The following RPL4 variants were observed in gnomAD, a reference collection of about 807,000 sequenced individuals.
RPL4 encodes the protein ribosomal protein L4, also known as large ribosomal subunit protein uL4.
A neutral mutation model predicts 47.7 loss-of-function variants in RPL4; 3 were observed. The observed-to-expected ratio is 0.06, with a 90% CI of 0.03 to 0.16. RPL4 has a LOEUF of 0.16. RPL4 is among the 10% of genes least tolerant of loss of function. RPL4 has a pLI of 1.00. For missense variants in RPL4, 413 were observed against 551.3 expected, an observed-to-expected ratio of 0.75 and a Z score of 2.51; for synonymous variants, 208 against 182.1, an observed-to-expected ratio of 1.14 and a Z score of -1.15.
rs1008982232 is a variant in RPL4, at chr15:66,503,547, G to A, written c.4-18C>T. 6.4e-7 allele frequency: 1 copy of A among 1,572,270 alleles called. No individual in the cohort carries two copies. Among genetic ancestry groups the A allele is most frequent in the Non-Finnish European group, 8.7e-7 (1 of 1,154,820 alleles). ...GCACACGCCTAAAGAAAAAGACAAG[G>A]ATTATTTTTATTGACAAGTAATGTT... On this transcript the variant is annotated intron_variant, in intron 1 of 9. Transcript: ENST00000307961.
chr15:66,502,563 A>G (rs373852904), intron 4 of RPL4, 49 bp downstream of exon 4: 109 of 1,578,470 alleles, frequency 6.9e-5, no homozygotes, highest in Non-Finnish European at 9.2e-5. Context: ...ATCAAATAGT[A>G]GGTGTCTTAT....
At chr15:66,499,849 C>A (rs140845744) in intron 9 of RPL4, 197 bp from the exon 10 acceptor site, 1 of 895,122 alleles carries the variant, frequency 1.1e-6, no homozygotes, top group Non-Finnish European at 1.7e-6. Context: ...ATAGTGACAC[C>A]CCGTCTCTAC....
Position 66,500,957 on chromosome 15 carries a change from A to G in RPL4, c.825T>C (p.Ser275=). ...ATATGAAAGATACTTACTTGTAGTT[A>G]CTCTTGAGGGAAGCGGCTTTACGCC... is the stretch of plus-strand genomic sequence containing the variant. ...GTWRKAASLK[S]NYNLPMHKMI... The change falls in exon 7 of 10, where the codon AGT becomes AGC. Residue 275 remains serine (S), a synonymous_variant. Transcript: ENST00000307961. 1.9e-6 allele frequency: 3 copies of G among 1,613,570 alleles called. No homozygotes were observed. The highest frequency in any genetic ancestry group is 2.5e-6 in the Non-Finnish European group (3 of 1,179,774).
In RPL4 at chr15:66,498,284, T is replaced by TA. The variant is rs761311268; in HGVS notation, c.*1122dup. 1 of 152,590 alleles carries TA rather than the reference T, an allele frequency of 6.6e-6. No individual in the cohort carries two copies. The highest frequency in any genetic ancestry group is 2.4e-5 in the African/African-American group (1 of 41,400). 9.5% of individuals were successfully genotyped at this position (152,590 alleles called of 1,614,324 possible). On this transcript the variant is annotated 3_prime_UTR_variant, in exon 10 of 10. Transcript: ENST00000307961. ...AATAGAGAAATAAAGAGCATGAAAA[T>TA]AAAGCCGTGCTAAGAAACGACGTGC...
rs1415485683 is a variant in RPL4, at chr15:66,499,400, TAA to T, written c.*5_*6del. The T allele has an allele frequency of 1.3e-6, 2 of 1,594,252 alleles. No individual in the cohort carries two copies. The highest frequency in any genetic ancestry group is 2.7e-5 in the African/African-American group (2 of 73,292). On this transcript the variant is annotated 3_prime_UTR_variant, in exon 10 of 10. Coordinates refer to ENST00000307961, the MANE Select transcript of RPL4 (RefSeq NM_000968.4). ...TTGACCTTTATGGAATAATCAAATTTAAGAGTTTATGCAGCAGGCTTCTTCTC... is the reference window on the plus strand; with the variant it reads ...TTGACCTTTATGGAATAATCAAATTTGAGTTTATGCAGCAGGCTTCTTCTC...
At position 66,499,503 on chromosome 15, in the gene RPL4, C is replaced by T. The variant is rs1278921782; in HGVS notation, c.1188G>A (p.Leu396=). Residue 396 remains leucine, a synonymous_variant, in exon 10 of 10, where the codon CTG becomes CTA. Transcript: ENST00000307961. ...TGGTAGCTGCTGCCTTTTTTCCCAC[C>T]AGAGGCTTCTTCTGCTTCTTAACAC... is the stretch of plus-strand genomic sequence containing the variant. ...AVGVKKQKKP[L]VGKKAAATKK... 6.2e-7 allele frequency: 1 copy of T among 1,612,114 alleles called. No homozygotes were observed. Among genetic ancestry groups the T allele is most frequent in the South Asian group, 1.1e-5 (1 of 90,996 alleles).
At chr15:66,502,361 T>TA (rs1363245642) in intron 4 of RPL4, 7 of 469,654 alleles carry the variant, frequency 1.5e-5, no homozygotes, top group African/African-American at 2.0e-5. Context: ...TATTTTTGAT[T>TA]AAAAAATTTT....
rs747591994 is a variant in RPL4 at position 66,499,490 on chromosome 15, C to G, written c.1201G>C (p.Ala401Pro). The G allele has an allele frequency of 3.1e-6, 5 of 1,612,036 alleles. 1 individual carries two copies. Among genetic ancestry groups the G allele is most frequent in the Non-Finnish European group, 4.2e-6 (5 of 1,179,836 alleles). The change falls in exon 10 of 10, where the codon GCA becomes CCA. Residue 401 changes from alanine to proline, a missense_variant. By Grantham distance (27) the Ala-to-Pro change is conservative. Transcript: ENST00000307961. ...KQKKPLVGKKAAATKKPAPEK... is the reference protein window; with the variant it reads ...KQKKPLVGKKPAATKKPAPEK... ...GGGGCTGGTTTCTTGGTAGCTGCTG[C>G]CTTTTTTCCCACCAGAGGCTTCTTC...
intron 7 of RPL4, chr15:66,500,580 G>T: frequency 1.7e-6 from 1 of 583,652 alleles, no homozygotes; most frequent in Non-Finnish European, 3.0e-6. Flanking sequence ...GATCACCTAA[G>T]GTCAGGAGTT....
chr15:66,500,345 G>C lies in RPL4; in HGVS notation c.865C>G (p.Leu289Val). The C allele has an allele frequency of 1.2e-6, 2 of 1,614,122 alleles. No individual in the cohort carries two copies. The highest frequency in any genetic ancestry group is 1.7e-6 in the Non-Finnish European group (2 of 1,179,994). The change falls in exon 8 of 10, where the codon CTT becomes GTT. Residue 289 changes from leucine (L) to valine (V), a missense_variant. This residue lies in a region of RPL4 where 214 missense variants were observed against 304.2 expected (regional missense o/e 0.70). Coordinates refer to ENST00000307961, the MANE Select transcript of RPL4 (RefSeq NM_000968.4). The part of the protein sequence containing the change: ...LPMHKMINTD[L>V]SRILKSPEIQ... The stretch of plus-strand genomic sequence containing the variant: ...TCTGGGCTTTTCAAGATTCTGCTAA[G>C]ATCTGTATTAATCATCTTGTGCATG...
chr15:66,500,454 T>C, intron 7 of RPL4, 78 bp from the exon 8 acceptor site: 1 of 1,246,734 alleles, frequency 8.0e-7, no homozygotes, highest in South Asian at 1.2e-5. Flanking sequence ...GCTTTATTTT[T>C]AGCCACTATG....
chr15:66,499,930 G>C, intron 9 of RPL4, 126 bp downstream of exon 9: 1 of 1,237,842 alleles, frequency 8.1e-7, no homozygotes. Flanking sequence ...GGCTGAGACA[G>C]AAGAACTGCT....
In RPL4 at chr15:66,500,168, ATCT is replaced by A. The variant is rs1218058310; in HGVS notation, c.923_925del (p.Lys308del). The stretch of plus-strand genomic sequence containing the variant: ...GTTCTTCTTTAGGACTCTGCGATGG[ATCT>A]TCTTGCTATAAAAAAGCAGATACTG... On this transcript the variant is annotated inframe_deletion, in exon 9 of 10. Coordinates refer to ENST00000307961, the MANE Select transcript of RPL4 (RefSeq NM_000968.4). The A allele has an allele frequency of 1.2e-6, 2 of 1,613,900 alleles. No individual in the cohort carries two copies. The highest frequency in any genetic ancestry group is 1.7e-6 in the Non-Finnish European group (2 of 1,179,966).
intron 4 of RPL4, 89 bp downstream of exon 4, chr15:66,502,523 G>T (rs2140716636): frequency 1.5e-6 from 2 of 1,366,504 alleles, no homozygotes; most frequent in Middle Eastern, 2.6e-4. Flanking sequence ...ATCTTGAAAT[G>T]GGTTACTGTG....
chr15:66,503,111 G>C lies in RPL4; in HGVS notation c.229C>G (p.Pro77Ala). Reference sequence around the variant, plus strand: ...TGAGTCCCACCACCTCGAACTCTGGGAATTCGAGCCACAGCTCTGCCAGTA... The same window carrying C: ...TGAGTCCCACCACCTCGAACTCTGGCAATTCGAGCCACAGCTCTGCCAGTA... ...WGTGRAVARI[P>A]RVRGGGTHRS... Residue 77 changes from proline (P) to alanine (A), a missense_variant, in exon 3 of 10, where the codon CCC (proline) becomes GCC (alanine). Physicochemically the swap from Pro to Ala is conservative, Grantham distance 27. Around this residue, in one of 4 missense-constraint regions of RPL4, gnomAD observed 9 missense variants for 53.8 expected, o/e 0.17. Coordinates refer to ENST00000307961, the MANE Select transcript of RPL4 (RefSeq NM_000968.4). The C allele has an allele frequency of 1.2e-6, 2 of 1,614,016 alleles. No homozygotes were observed. Among genetic ancestry groups the C allele is most frequent in the Non-Finnish European group, 1.7e-6 (2 of 1,179,994 alleles).
Position 66,500,229 on chromosome 15 carries a change from A to C in RPL4, c.918-53T>G, listed in dbSNP as rs546950731. 1.4e-4 allele frequency: 232 copies of C among 1,613,566 alleles called. No individual in the cohort carries two copies. The Middle Eastern group carries it at 2.8e-3, about 20-fold the overall frequency. On this transcript the variant is annotated intron_variant, in intron 8 of 9. Coordinates refer to ENST00000307961, the MANE Select transcript of RPL4 (RefSeq NM_000968.4). Reference sequence around the variant, plus strand: ...ATTTTACTTAACATTATACACATACAAATTTTTGAAACAACCAATAGTATA... The same window carrying C: ...ATTTTACTTAACATTATACACATACCAATTTTTGAAACAACCAATAGTATA...
chr15:66,503,866 AACTTCCATCCCT>A (rs1893684514), intron 1 of RPL4, among the ~76,000 whole-genome samples: 1 of 152,128 alleles, frequency 6.6e-6, no homozygotes, highest in Non-Finnish European at 1.5e-5. Context: ...TACTCATCCC[AACTTCCATCCCT>A]GTCCCACTCA....
rs1893565112 is a variant in RPL4 at position 66,499,636 on chromosome 15, T to C, written c.1055A>G (p.Asp352Gly). ...RQARNHKLRV[D>G]KAAAAAAALQ... ...TGCCGCTGCTGCAGCAGCTGCCTTA[T>C]CCACCCGGAGCTTGTGCTGCAACAA... Residue 352 changes from aspartate to glycine, a missense_variant, in exon 10 of 10, where the codon GAT (aspartate) becomes GGT (glycine). Asp to Gly is a moderately conservative substitution (Grantham distance 94). This residue lies in a region of RPL4 where 134 missense variants were observed against 122.7 expected (regional missense o/e 1.09). Transcript: ENST00000307961. 5.6e-6 allele frequency: 9 copies of C among 1,614,008 alleles called. No individual in the cohort carries two copies. Among genetic ancestry groups the C allele is most frequent in the African/African-American group, 1.3e-5 (1 of 75,054 alleles).
chr15:66,500,165 T>C lies in RPL4; in HGVS notation c.929A>G (p.His310Arg), dbSNP rs746956620. The change falls in exon 9 of 10, where the codon CAT (histidine) becomes CGT (arginine). Residue 310 changes from histidine to arginine, a missense_variant. This residue lies in a region of RPL4 where 214 missense variants were observed against 304.2 expected (regional missense o/e 0.70). Transcript: ENST00000307961. Reference sequence around the variant, plus strand: ...TGGGTTCTTCTTTAGGACTCTGCGATGGATCTTCTTGCTATAAAAAAGCAG... The same window carrying C: ...TGGGTTCTTCTTTAGGACTCTGCGACGGATCTTCTTGCTATAAAAAAGCAG... ...RALRAPRKKIHRRVLKKNPLK... is the reference protein window; with the variant it reads ...RALRAPRKKIRRRVLKKNPLK... The C allele has an allele frequency of 1.9e-6, 3 of 1,613,940 alleles. No individual in the cohort carries two copies. The highest frequency in any genetic ancestry group is 3.3e-5 in the Admixed American group (2 of 60,008).
Sources: allele counts gnomAD v4.1 joint callset (sites outside exome capture counted in the v4.1 genomes callset), GRCh38; gene constraint gnomAD v4.1.1; regional missense constraint gnomAD v4.1.1; transcripts MANE v1.5; gene names NCBI Gene and HGNC (gene_info 2026-07-23, HGNC 2026-07-21).